The following STXBP5 variants were observed in gnomAD, a reference collection of about 807,000 sequenced individuals.
STXBP5 encodes syntaxin-binding protein 5.
In STXBP5, 50 loss-of-function variants were observed where a neutral mutation model predicts 152.4. The ratio of observed to expected loss-of-function variants is 0.33; its 90% CI spans 0.26 to 0.42. The LOEUF is 0.42. Among genes scored for constraint, STXBP5 ranks in the 10% least tolerant of loss-of-function variants. The pLI, the probability that STXBP5 is intolerant of heterozygous loss-of-function variation, is 1.00. For synonymous variants in STXBP5, 492 were observed against 494.7 expected (o/e 0.99, Z 0.07); for missense variants, 1,167 against 1,388.6 (o/e 0.84, Z 2.54).
intron 7 of STXBP5, among the ~76,000 whole-genome samples, chr6:147,274,109 AGCTTATTTTCT>A (rs1399641585): frequency 1.3e-5 from 2 of 152,206 alleles, no homozygotes; most frequent in South Asian, 4.1e-4. Context: ...CTTTTAAGTC[AGCTTATTTTCT>A]GCTTATTTTT....
At chr6:147,314,695 T>A in intron 14 of STXBP5, 59 bp downstream of exon 14, 1 of 1,280,264 alleles carries the variant, frequency 7.8e-7, no homozygotes. Context: ...CTTTTATGCA[T>A]CCTGTTTTAT....
chr6:147,215,014 CAG>C (rs1777088630), intron 2 of STXBP5, among the ~76,000 whole-genome samples: 1 of 152,106 alleles, frequency 6.6e-6, no homozygotes, highest in South Asian at 2.1e-4. Flanking sequence ...CTGTAGGAGT[CAG>C]TGAACATTTC....
chr6:147,276,189 A>G (rs1019343793), intron 7 of STXBP5, among the ~76,000 whole-genome samples: 1 of 152,222 alleles, frequency 6.6e-6, no homozygotes, highest in African/African-American at 2.4e-5. Context: ...TTGTAATACT[A>G]TGCACTACAT....
intron 17 of STXBP5, 33 bp downstream of exon 17, chr6:147,325,117 T>C (rs745817984): frequency 1.4e-6 from 2 of 1,437,098 alleles, no homozygotes; most frequent in African/African-American, 2.9e-5. Flanking sequence ...TCTAAGTCTC[T>C]TCATAGTATT....
intron 18 of STXBP5, chr6:147,328,685 A>G (rs914558319): frequency 2.1e-6 from 1 of 468,406 alleles, no homozygotes; most frequent in Non-Finnish European, 4.4e-6. Context: ...TCCGCTTTTC[A>G]TTGCTTCACT....
intron 4 of STXBP5, 151 bp downstream of exon 4, chr6:147,239,421 CCTT>C (rs1778431999): frequency 6.5e-6 from 4 of 617,854 alleles, no homozygotes; most frequent in Non-Finnish European, 1.1e-5. Context: ...AAGCAAGATT[CCTT>C]CTTTTTTAGA....
At position 147,239,245 on chromosome 6, in the gene STXBP5, C is replaced by T; in HGVS notation, c.406C>T (p.His136Tyr). Residue 136 changes from histidine to tyrosine, a missense_variant, in exon 4 of 28, where the codon CAT becomes TAT. Around this residue, in one of 3 missense-constraint regions of STXBP5, gnomAD observed 310 missense variants for 346.1 expected, o/e 0.90. Transcript: ENST00000321680. ...NLRQKRPAIL[H>Y]SLKFCRERVT... ...ACGTCAGAAGAGGCCTGCCATACTA[C>T]ATTCGCTTAAATTTTGCAGAGAAAG... 1.2e-6 allele frequency: 2 copies of T among 1,613,674 alleles called. No individual in the cohort carries two copies. The highest frequency in any genetic ancestry group is 2.2e-5 in the East Asian group (1 of 44,810).
In STXBP5 at chr6:147,235,261, C is replaced by T; in HGVS notation, c.260C>T (p.Pro87Leu). 2.5e-6 allele frequency: 4 copies of T among 1,613,202 alleles called. No individual in the cohort carries two copies. Among genetic ancestry groups the T allele is most frequent in the Non-Finnish European group, 3.4e-6 (4 of 1,179,428 alleles). The change falls in exon 3 of 28, where the codon CCA becomes CTA. Residue 87 changes from proline (P) to leucine (L), a missense_variant. Pro to Leu is a moderately conservative substitution (Grantham distance 98). This residue lies in a region of STXBP5 where 310 missense variants were observed against 346.1 expected (regional missense o/e 0.90). Coordinates refer to ENST00000321680, the MANE Select transcript of STXBP5 (RefSeq NM_001127715.4). ...QTGALRLFGRPGVECYCQHDS... is the reference protein window; with the variant it reads ...QTGALRLFGRLGVECYCQHDS... ...GGAATTAATTACAGCTTTGGTCGTCCAGGAGTAGAATGTTATTGCCAGCAT... is the reference window on the plus strand; with the variant it reads ...GGAATTAATTACAGCTTTGGTCGTCTAGGAGTAGAATGTTATTGCCAGCAT...
chr6:147,331,377 A>G (rs1783561084), intron 18 of STXBP5, among the ~76,000 whole-genome samples: 1 of 152,244 alleles, frequency 6.6e-6, no homozygotes, highest in Non-Finnish European at 1.5e-5. Context: ...GTTTACATAT[A>G]GAACAGAAAA....
rs1416824340 is a variant in STXBP5 at position 147,287,481 on chromosome 6, C to T, written c.839-3613C>T. Among the ~76,000 whole-genome samples, 8 of 152,214 alleles carry T rather than the reference C, an allele frequency of 5.3e-5. 1 individual carries two copies. Among genetic ancestry groups the T allele is most frequent in the Middle Eastern group, 3.4e-3 (1 of 294 alleles). The stretch of plus-strand genomic sequence containing the variant: ...CCTCCCAAAGTGCTGGGATTACAGG[C>T]GTGAGCCACCGCGCCCGGCCTGTAC... On this transcript the variant is annotated intron_variant, in intron 8 of 27. Coordinates refer to ENST00000321680, the MANE Select transcript of STXBP5 (RefSeq NM_001127715.4).
At chr6:147,278,875 AAT>A (rs1340384219) in intron 8 of STXBP5, among the ~76,000 whole-genome samples, 1 of 152,196 alleles carries the variant, frequency 6.6e-6, no homozygotes. Context: ...ACATGTGTGA[AAT>A]ATGTCTACCA....
chr6:147,269,545 C>T (rs2128336386), intron 7 of STXBP5, among the ~76,000 whole-genome samples: 1 of 152,008 alleles, frequency 6.6e-6, no homozygotes, highest in South Asian at 2.1e-4. Flanking sequence ...TAGAAACAGA[C>T]TCAGAAATGA....
chr6:147,356,295 C>T (rs974556429), intron 22 of STXBP5, among the ~76,000 whole-genome samples: 7 of 151,900 alleles, frequency 4.6e-5, no homozygotes, highest in Non-Finnish European at 8.8e-5. Context: ...ATATTATCTA[C>T]TTTTTTCATA....
At chr6:147,337,207 AC>A (rs1422306782) in intron 19 of STXBP5, among the ~76,000 whole-genome samples, 1 of 146,410 alleles carries the variant, frequency 6.8e-6, no homozygotes, top group Non-Finnish European at 1.5e-5. Flanking sequence ...ACACACACAC[AC>A]ACACACAAGA....
intron 16 of STXBP5, among the ~76,000 whole-genome samples, chr6:147,324,263 G>A (rs138386164): frequency 1.2e-5 from 1 of 85,044 alleles, no homozygotes; most frequent in Non-Finnish European, 2.3e-5. Flanking sequence ...GTTTTTTTTT[G>A]GTTTTTTTTT....
At chr6:147,282,004 A>G (rs1004347863) in intron 8 of STXBP5, among the ~76,000 whole-genome samples, 4 of 152,190 alleles carry the variant, frequency 2.6e-5, no homozygotes, top group Non-Finnish European at 5.9e-5. Context: ...TACTCATTCT[A>G]CAAATATTTA....
chr6:147,281,215 C>G (rs2128343381), intron 8 of STXBP5, among the ~76,000 whole-genome samples: 1 of 152,244 alleles, frequency 6.6e-6, no homozygotes, highest in East Asian at 1.9e-4. Flanking sequence ...TGCCACCATG[C>G]CCGGCTAATT....
At chr6:147,315,257 C>T (rs913879330) in intron 14 of STXBP5, among the ~76,000 whole-genome samples, 10 of 152,114 alleles carry the variant, frequency 6.6e-5, no homozygotes, top group African/African-American at 2.4e-4. Context: ...GTTTTTATTA[C>T]TCATTTTTTT....
At chr6:147,251,227 G>A (rs1051933208) in intron 4 of STXBP5, among the ~76,000 whole-genome samples, 4 of 152,136 alleles carry the variant, frequency 2.6e-5, no homozygotes, top group African/African-American at 9.7e-5. Flanking sequence ...CATGAGGTAT[G>A]GTGCCACGAG....
Sources: allele counts gnomAD v4.1 joint callset (sites outside exome capture counted in the v4.1 genomes callset), GRCh38; gene constraint gnomAD v4.1.1; regional missense constraint gnomAD v4.1.1; transcripts MANE v1.5; gene names NCBI Gene and HGNC (gene_info 2026-07-23, HGNC 2026-07-21).